KSR2: variants seen among roughly 807,000 people sequenced by gnomAD.
KSR2 encodes kinase suppressor of ras 2.
In KSR2, 25 loss-of-function variants were observed where a neutral mutation model predicts 107.8. That is an observed-to-expected ratio of 0.23 (90% CI 0.17 to 0.32). The LOEUF (loss-of-function observed/expected upper bound fraction) is 0.32. Ranked by LOEUF, KSR2 falls within the 10% of genes least tolerant of loss-of-function variation. The pLI is 1.00. For missense variants in KSR2, 887 were observed against 1,268.9 expected (o/e 0.70, Z 4.57); for synonymous variants, 480 against 507.0 (o/e 0.95, Z 0.71).
chr12:117,822,044 A>G (rs1273342429), intron 3 of KSR2, among the ~76,000 whole-genome samples: 2 of 152,204 alleles, frequency 1.3e-5, no homozygotes, highest in African/African-American at 2.4e-5. Context: ...CAAGATAGCA[A>G]TGAGAGTGAC....
intron 1 of KSR2, among the ~76,000 whole-genome samples, chr12:117,873,554 G>A (rs773021258): frequency 2.8e-5 from 4 of 143,284 alleles, no homozygotes; most frequent in Non-Finnish European, 3.0e-5. Context: ...TCCACCTCCC[G>A]GGTCCAAGCG....
At chr12:117,589,081 C>T (rs764313587) in intron 5 of KSR2, among the ~76,000 whole-genome samples, 2 of 152,122 alleles carry the variant, frequency 1.3e-5, no homozygotes, top group African/African-American at 2.4e-5. Flanking sequence ...TAGAGTTGAA[C>T]CCAGTTTCCT....
intron 5 of KSR2, among the ~76,000 whole-genome samples, chr12:117,613,687 C>T (rs1881722802): frequency 6.6e-6 from 1 of 152,200 alleles, no homozygotes; most frequent in African/African-American, 2.4e-5. Flanking sequence ...CTCTCCCTTC[C>T]TCTCTTCAAT....
chr12:117,768,517 G>A (rs896472278), intron 3 of KSR2, among the ~76,000 whole-genome samples: 2 of 152,154 alleles, frequency 1.3e-5, no homozygotes, highest in African/African-American at 2.4e-5. Context: ...CCGTCCTTGC[G>A]GCTCAACAGG....
intron 4 of KSR2, among the ~76,000 whole-genome samples, chr12:117,730,475 TCC>T (rs1887620338): frequency 6.7e-6 from 1 of 150,132 alleles, no homozygotes; most frequent in African/African-American, 2.5e-5. Context: ...GTCTCCCCTC[TCC>T]CTCGTCTCCC....
intron 1 of KSR2, among the ~76,000 whole-genome samples, chr12:117,919,231 T>C (rs1442882851): frequency 2.0e-5 from 3 of 152,234 alleles, no homozygotes; most frequent in Non-Finnish European, 4.4e-5. Flanking sequence ...GTGCTTCAAC[T>C]GTAGCTTGTT....
At chr12:117,718,385 A>C (rs1162265118) in intron 4 of KSR2, among the ~76,000 whole-genome samples, 1 of 152,210 alleles carries the variant, frequency 6.6e-6, no homozygotes. Flanking sequence ...AATTTTAGAC[A>C]AGTCACTCCA....
At chr12:117,701,341 C>T (rs1269299237) in intron 4 of KSR2, among the ~76,000 whole-genome samples, 2 of 152,188 alleles carry the variant, frequency 1.3e-5, no homozygotes, top group African/African-American at 4.8e-5. Context: ...GATCTGCCTG[C>T]CTCAGACTCG....
At chr12:117,537,435 C>G (rs966310261) in intron 10 of KSR2, among the ~76,000 whole-genome samples, 1 of 152,048 alleles carries the variant, frequency 6.6e-6, no homozygotes, top group Non-Finnish European at 1.5e-5. Context: ...ATCCAAGGAG[C>G]CCAGATTTGT....
At chr12:117,784,279 T>C (rs534448539) in intron 3 of KSR2, among the ~76,000 whole-genome samples, 1 of 152,164 alleles carries the variant, frequency 6.6e-6, no homozygotes, top group Non-Finnish European at 1.5e-5. Flanking sequence ...TGTCTCATGG[T>C]AGTGAGTAAG....
chr12:117,958,128 C>T (rs79879869), intron 1 of KSR2, among the ~76,000 whole-genome samples: 18,346 of 152,128 alleles, frequency 0.12, 1,709 homozygotes, highest in East Asian at 0.3. Flanking sequence ...CCACTGCACC[C>T]AGCTGAGGTT....
Position 117,469,786 on chromosome 12 carries a change from G to A in KSR2, c.2722C>T (p.Leu908Phe). ...GMGKEISDIL[L>F]FCWAFEQEER... ...TCTTGTTCAAAGGCCCAGCAGAAGA[G>A]AAGAATGTCCTAAATGAAACCAATG... Residue 908 changes from leucine (L) to phenylalanine (F), a missense_variant, in exon 19 of 20, where the codon CTC (leucine) becomes TTC (phenylalanine). This residue lies in a region of KSR2 where 308 missense variants were observed against 506.2 expected (regional missense o/e 0.61). Coordinates refer to ENST00000339824, the MANE Select transcript of KSR2 (RefSeq NM_173598.6). The A allele has an allele frequency of 6.2e-7, 1 of 1,613,866 alleles. No individual in the cohort carries two copies. The highest frequency in any genetic ancestry group is 2.2e-5 in the East Asian group (1 of 44,880).
intron 1 of KSR2, among the ~76,000 whole-genome samples, chr12:117,869,102 T>A (rs1220344246): frequency 1.3e-5 from 2 of 148,506 alleles, no homozygotes; most frequent in Non-Finnish European, 3.0e-5. Flanking sequence ...CCAGGCGCGG[T>A]GGCTCACGCC....
chr12:117,578,300 G>C (rs1879409375), intron 7 of KSR2, among the ~76,000 whole-genome samples: 1 of 152,028 alleles, frequency 6.6e-6, no homozygotes, highest in African/African-American at 2.4e-5. Flanking sequence ...AAAAAGGAGA[G>C]AAAGGCTTGG....
intron 4 of KSR2, among the ~76,000 whole-genome samples, chr12:117,695,868 C>A (rs1886036196): frequency 6.6e-6 from 1 of 152,158 alleles, no homozygotes; most frequent in Non-Finnish European, 1.5e-5. Context: ...CGCTCTTCTT[C>A]AGGAAGGCCA....
intron 3 of KSR2, among the ~76,000 whole-genome samples, chr12:117,835,901 A>T (rs964614584): frequency 6.6e-6 from 1 of 151,668 alleles, no homozygotes; most frequent in Non-Finnish European, 1.5e-5. Context: ...GACTGACATC[A>T]GAGAGGATTA....
Position 117,454,118 on chromosome 12 carries a change from G to C in KSR2, c.*13081C>G, listed in dbSNP as rs1291880824. On this transcript the variant is annotated 3_prime_UTR_variant, in exon 20 of 20. Transcript: ENST00000339824. Reference sequence around the variant, plus strand: ...TGGGATTCTGGGGGAGGTTCATTTGGGTGATTGAGAAGAAAAGCCACATTG... The same window carrying C: ...TGGGATTCTGGGGGAGGTTCATTTGCGTGATTGAGAAGAAAAGCCACATTG... The C allele has an allele frequency of 1.3e-5, 2 of 152,176 alleles. No homozygotes were observed. Among genetic ancestry groups the C allele is most frequent in the Admixed American group, 1.3e-4 (2 of 15,272 alleles). The allele number at this position is 152,176 out of a possible 1,614,324, so 9.4% of individuals were successfully genotyped here.
chr12:117,778,335 C>A (rs1259917587), intron 3 of KSR2, among the ~76,000 whole-genome samples: 2 of 152,130 alleles, frequency 1.3e-5, no homozygotes, highest in Non-Finnish European at 2.9e-5. Flanking sequence ...AGGTGATCTG[C>A]CCGCCTCGGC....
chr12:117,634,570 G>A (rs997597696), intron 5 of KSR2, among the ~76,000 whole-genome samples: 7 of 152,072 alleles, frequency 4.6e-5, no homozygotes, highest in African/African-American at 1.7e-4. Flanking sequence ...CTTTTCCCAG[G>A]TTCACACACA....
Sources: allele counts gnomAD v4.1 joint callset (sites outside exome capture counted in the v4.1 genomes callset), GRCh38; gene constraint gnomAD v4.1.1; regional missense constraint gnomAD v4.1.1; transcripts MANE v1.5; gene names NCBI Gene and HGNC (gene_info 2026-07-23, HGNC 2026-07-21).